The following GTF2H5 variants were observed in gnomAD, a reference collection of about 807,000 sequenced individuals.
The protein encoded by GTF2H5 is TFB5 ortholog.
GTF2H5 carries 5 observed loss-of-function variants against 7.1 expected under a neutral mutation model. That is an observed-to-expected ratio of 0.71 (90% CI 0.37 to 1.49). The LOEUF (loss-of-function observed/expected upper bound fraction) is 1.49, where lower values mean the gene tolerates loss of function less well. Ranked by LOEUF, GTF2H5 falls within the 40% of genes most tolerant of loss-of-function variation. The pLI, the probability that GTF2H5 is intolerant of heterozygous loss-of-function variation, is 0.03. For synonymous variants in GTF2H5, 30 were observed against 31.7 expected (o/e 0.95, Z 0.18); for missense variants, 80 against 83.0 (o/e 0.96, Z 0.14).
chr6:158,182,825 T>C (rs553262089), intron 2 of GTF2H5, among the ~76,000 whole-genome samples: 11 of 152,222 alleles, frequency 7.2e-5, no homozygotes, highest in Admixed American at 1.3e-4. Flanking sequence ...TAGAACATCC[T>C]CCTTTAACTC....
Position 158,176,799 on chromosome 6 carries a change from C to CTATAGAT in GTF2H5, c.35+6278_35+6284dup, listed in dbSNP as rs547855698. On this transcript the variant is annotated intron_variant, in intron 2 of 2. Coordinates refer to ENST00000607778, the MANE Select transcript of GTF2H5 (RefSeq NM_207118.3). ...AGCAAGCCAGGGATGAGCATTGTTTCTATAGATTATAGATTATAGATTACC... is the reference window on the plus strand; with the variant it reads ...AGCAAGCCAGGGATGAGCATTGTTTCTATAGATTATAGATTATAGATTATAGATTACC... 7.6e-3 allele frequency among the ~76,000 whole-genome samples: 1,156 copies of CTATAGAT among 152,228 alleles called. 13 individuals carry two copies. The highest frequency in any genetic ancestry group is 0.026 in the African/African-American group (1,083 of 41,510).
intron 2 of GTF2H5, among the ~76,000 whole-genome samples, chr6:158,173,991 G>C (rs545005162): frequency 6.6e-6 from 1 of 152,300 alleles, no homozygotes; most frequent in East Asian, 1.9e-4. Flanking sequence ...AACTGTCGTG[G>C]TGCTGGTGGG....
At chr6:158,184,051 C>G (rs1237655688) in intron 2 of GTF2H5, among the ~76,000 whole-genome samples, 2 of 152,262 alleles carry the variant, frequency 1.3e-5, no homozygotes, top group South Asian at 4.1e-4. Context: ...CTCAGTTGTT[C>G]AGCTTTATTT....
chr6:158,194,139 A>G lies in GTF2H5; in HGVS notation c.*1982A>G, dbSNP rs1335729542. 6.6e-6 allele frequency: 1 copy of G among 152,188 alleles called. No individual in the cohort carries two copies. The highest frequency in any genetic ancestry group is 2.4e-5 in the African/African-American group (1 of 41,454). 9.4% of individuals were successfully genotyped at this position (152,188 alleles called of 1,614,324 possible). A position where few individuals can be genotyped will look rare whatever the true frequency, so the allele number is the denominator to read the frequency against. On this transcript the variant is annotated 3_prime_UTR_variant, in exon 3 of 3. Transcript: ENST00000607778. The stretch of plus-strand genomic sequence containing the variant: ...TAACATGAAACTTAGAAAATTTTTG[A>G]TAGAATCCCAGAGTTCAAAAGGTAT...
chr6:158,170,295 C>CA (rs1179881520), intron 1 of GTF2H5, among the ~76,000 whole-genome samples, 175 bp from the exon 2 acceptor site: 2 of 152,128 alleles, frequency 1.3e-5, no homozygotes, highest in Non-Finnish European at 1.5e-5. Context: ...CAAGTAGACT[C>CA]ATTTTAATTT....
chr6:158,170,032 A>T (rs1323326017), intron 1 of GTF2H5, among the ~76,000 whole-genome samples: 1 of 151,722 alleles, frequency 6.6e-6, no homozygotes, highest in African/African-American at 2.4e-5. Flanking sequence ...GTAAAATAAA[A>T]TATAAACTAA....
At chr6:158,189,725 T>C (rs575720627) in intron 2 of GTF2H5, among the ~76,000 whole-genome samples, 1 of 152,352 alleles carries the variant, frequency 6.6e-6, no homozygotes, top group African/African-American at 2.4e-5. Context: ...TTCTGGTCGT[T>C]GTAGCAAAAT....
rs574301850 is a variant in GTF2H5 at position 158,192,114 on chromosome 6, G to T, written c.173G>T (p.Gly58Val). Reference sequence around the variant, plus strand: ...GTTAATGTCCTCCAGGAGCGAGTGGGTGAATTAATGGACCAAAATGCTTTT... The same window carrying T: ...GTTAATGTCCTCCAGGAGCGAGTGGTTGAATTAATGGACCAAAATGCTTTT... ...ELVNVLQERV[G>V]ELMDQNAFSL... is the part of the protein sequence containing the mutation. Residue 58 changes from glycine to valine, a missense_variant, in exon 3 of 3, where the codon GGT (glycine) becomes GTT (valine). Transcript: ENST00000607778. The T allele has an allele frequency of 1.2e-6, 2 of 1,613,528 alleles. No individual in the cohort carries two copies. The highest frequency in any genetic ancestry group is 2.7e-5 in the African/African-American group (2 of 74,896).
intron 1 of GTF2H5, among the ~76,000 whole-genome samples, chr6:158,169,151 TTGA>T (rs1361878869): frequency 2.7e-5 from 4 of 149,262 alleles, no homozygotes; most frequent in African/African-American, 9.9e-5. Context: ...GGAGAATCGC[TTGA>T]GCCCGGGAGG....
intron 2 of GTF2H5, among the ~76,000 whole-genome samples, chr6:158,187,188 G>T (rs536895644): frequency 6.6e-6 from 1 of 152,040 alleles, no homozygotes; most frequent in South Asian, 2.1e-4. Context: ...TAGAGACGGG[G>T]TTTCATCATG....
intron 2 of GTF2H5, among the ~76,000 whole-genome samples, chr6:158,174,854 T>G (rs1203774885): frequency 2.0e-5 from 3 of 152,240 alleles, no homozygotes; most frequent in African/African-American, 7.2e-5. Context: ...CTTCTAAAGC[T>G]ATATCGTTTA....
At chr6:158,169,707 G>GTATATTATATATAATATAA (rs1785796269) in intron 1 of GTF2H5, among the ~76,000 whole-genome samples, 2 of 43,600 alleles carry the variant, frequency 4.6e-5, no homozygotes, top group African/African-American at 2.0e-4. Context: ...ATAATATATT[G>GTATATTATATATAATATAA]TATATTATAT....
Position 158,192,070 on chromosome 6 carries a change from C to G in GTF2H5, c.129C>G (p.Val43=), listed in dbSNP as rs759835009. ...FIIQDIDDTH[V]FVIAELVNVL... is the part of the protein sequence containing the mutation. ...TTCAAGACATTGATGACACTCACGT[C>G]TTTGTAATAGCAGAATTGGTTAATG... is the stretch of plus-strand genomic sequence containing the variant. The change falls in exon 3 of 3, where the codon GTC becomes GTG. Residue 43 remains valine (V), a synonymous_variant. Coordinates refer to ENST00000607778, the MANE Select transcript of GTF2H5 (RefSeq NM_207118.3). The G allele has an allele frequency of 4.3e-6, 7 of 1,613,632 alleles. No individual in the cohort carries two copies. The highest frequency in any genetic ancestry group is 5.9e-6 in the Non-Finnish European group (7 of 1,179,586).
intron 2 of GTF2H5, chr6:158,190,649 A>G (rs1470252058): frequency 2.1e-6 from 1 of 477,970 alleles, no homozygotes; most frequent in Non-Finnish European, 4.2e-6. Flanking sequence ...TGTTAGCATC[A>G]GTTAATACCT....
At position 158,192,676 on chromosome 6, in the gene GTF2H5, G is replaced by A. The variant is rs1777046278; in HGVS notation, c.*519G>A. The A allele has an allele frequency of 6.2e-6, 1 of 160,098 alleles. No homozygotes were observed. Among genetic ancestry groups the A allele is most frequent in the African/African-American group, 2.4e-5 (1 of 41,448 alleles). The allele number at this position is 160,098 out of a possible 1,614,324, so 9.9% of individuals were successfully genotyped here. On this transcript the variant is annotated 3_prime_UTR_variant, in exon 3 of 3. Coordinates refer to ENST00000607778, the MANE Select transcript of GTF2H5 (RefSeq NM_207118.3). ...TACAGTTTGCATTTCCCTGAAAACA[G>A]AATATTGTTTTTAAGAGGGTTAGAA...
intron 2 of GTF2H5, among the ~76,000 whole-genome samples, chr6:158,177,842 T>C (rs1785953748): frequency 6.6e-6 from 1 of 152,182 alleles, no homozygotes; most frequent in African/African-American, 2.4e-5. Context: ...GATCTTGTGA[T>C]AGTTTGCTGA....
intron 2 of GTF2H5, among the ~76,000 whole-genome samples, chr6:158,175,044 G>GTGTGTATATGTGTGTGTGTGTGTA: frequency 2.1e-5 from 3 of 142,794 alleles, no homozygotes; most frequent in African/African-American, 8.0e-5. Flanking sequence ...GTGTGTGTGT[G>GTGTGTATATGTGTGTGTGTGTGTA]TATACACACA....
intron 2 of GTF2H5, among the ~76,000 whole-genome samples, chr6:158,177,080 A>G (rs551875955): frequency 1.3e-5 from 2 of 152,156 alleles, no homozygotes; most frequent in Admixed American, 6.5e-5. Flanking sequence ...GATTTTGTTT[A>G]TGGCTAGTTT....
chr6:158,185,774 G>A (rs928940303), intron 2 of GTF2H5, among the ~76,000 whole-genome samples: 2 of 152,038 alleles, frequency 1.3e-5, no homozygotes, highest in East Asian at 1.9e-4. Flanking sequence ...TTTGGAGGCC[G>A]AGGCGGGTGG....
Sources: allele counts gnomAD v4.1 joint callset (sites outside exome capture counted in the v4.1 genomes callset), GRCh38; gene constraint gnomAD v4.1.1; transcripts MANE v1.5; gene names NCBI Gene and HGNC (gene_info 2026-07-23, HGNC 2026-07-21).